VILL: variants seen among roughly 807,000 people sequenced by gnomAD.
VILL encodes villin like, also known as villin-like protein.
Under a neutral mutation model 106.3 loss-of-function variants are expected in VILL, and 102 were observed. The observed-to-expected ratio is 0.96, with a 90% CI of 0.82 to 1.13. The LOEUF is 1.13. Among genes scored for constraint, VILL ranks in the 50% most tolerant of loss-of-function variants. The pLI is 0.00. For synonymous variants in VILL, 431 were observed against 440.3 expected (o/e 0.98, Z 0.27); for missense variants, 1,076 against 1,116.6 (o/e 0.96, Z 0.52).
At position 38,001,102 on chromosome 3, in the gene VILL, C is replaced by T. The variant is rs185252937; in HGVS notation, c.1183-354C>T. 392 of 504,504 alleles carry T rather than the reference C, an allele frequency of 7.8e-4. 3 individuals carry two copies. Among genetic ancestry groups the T allele is most frequent in the Non-Finnish European group, 2.5e-4 (65 of 262,344 alleles). The allele number at this position is 504,504 out of a possible 1,614,324, so 31.3% of individuals were successfully genotyped here. On this transcript the variant is annotated intron_variant, in intron 11 of 19. Coordinates refer to ENST00000383759, the MANE Select transcript of VILL (RefSeq NM_015873.4). ...TCAAGAGCTCCAAGGCTTCCCTTTC[C>T]GCCCGGCTTCTGTTGCCCTGGCCTG... is the stretch of plus-strand genomic sequence containing the variant.
intron 4 of VILL, 39 bp from the exon 5 acceptor site, chr3:37,995,699 TA>T (rs1699688698): frequency 6.6e-7 from 1 of 1,518,678 alleles, no homozygotes; most frequent in Admixed American, 1.7e-5. Flanking sequence ...TGTTCTTATA[TA>T]CACAGAATGT....
rs1284969682 is a variant in VILL, at chr3:37,997,560, G to A, written c.639G>A (p.Glu213=). The change falls in exon 7 of 20, where the codon GAG becomes GAA. Residue 213 remains glutamate (E), a synonymous_variant. Coordinates refer to ENST00000383759, the MANE Select transcript of VILL (RefSeq NM_015873.4). The surrounding 1 kb of genome is among the most constrained non-coding windows in gnomAD (Gnocchi z 4.7). ...CACAGATTGGTGTGGTGGATGATGA[G>A]GCCAAAGCCCCGGACCTCATGCAGA... ...GRAQIGVVDD[E]AKAPDLMQIM... 3 of 1,614,132 alleles carry A rather than the reference G, an allele frequency of 1.9e-6. No homozygotes were observed. Among genetic ancestry groups the A allele is most frequent in the Admixed American group, 1.7e-5 (1 of 60,030 alleles).
At position 37,994,182 on chromosome 3, in the gene VILL, G is replaced by A. The variant is rs539225417; in HGVS notation, c.136-79G>A. Reference sequence around the variant, plus strand: ...AGCCCCTGCCTAGCGTCTCCCCATGGCCCTTGGTACATCCTCCCCTTCTCC... The same window carrying A: ...AGCCCCTGCCTAGCGTCTCCCCATGACCCTTGGTACATCCTCCCCTTCTCC... On this transcript the variant is annotated intron_variant, in intron 3 of 19. Coordinates refer to ENST00000383759, the MANE Select transcript of VILL (RefSeq NM_015873.4). The A allele has an allele frequency of 3.9e-4, 588 of 1,517,130 alleles. 2 individuals are homozygous for A. The African/African-American group carries it at 5.4e-3, about 14-fold the overall frequency. 94.0% of individuals were successfully genotyped at this position (1,517,130 alleles called of 1,614,324 possible). A position where few individuals can be genotyped will look rare whatever the true frequency, so the allele number is the denominator to read the frequency against.
rs199614543 is a variant in VILL at position 37,994,480 on chromosome 3, C to A, written c.341+14C>A. The A allele has an allele frequency of 1.4e-4, 221 of 1,610,094 alleles. No individual in the cohort carries two copies. Among genetic ancestry groups the A allele is most frequent in the Non-Finnish European group, 1.8e-4 (214 of 1,179,064 alleles). On this transcript the variant is annotated intron_variant, in intron 4 of 19. Transcript: ENST00000383759. ...CCCGGGAATCATGTGAGTGCGGGGG[C>A]GACCGGGGCAGGAGGGAGCCGTGGA...
Position 37,999,049 on chromosome 3 carries a change from G to T in VILL, c.1080G>T (p.Arg360Ser). The T allele has an allele frequency of 6.4e-7, 1 of 1,551,606 alleles. No individual in the cohort carries two copies. The highest frequency in any genetic ancestry group is 8.7e-7 in the Non-Finnish European group (1 of 1,145,254). ...KRRRNQKLGGRDKSIHVKLDV... is the reference protein window; with the variant it reads ...KRRRNQKLGGSDKSIHVKLDV... ...GCAGGAACCAGAAGCTCGGCGGGAG[G>T]GGTGAGCGGGCGGGGCGGGGCTGAC... Residue 360 changes from arginine (R) to serine (S), a missense_variant and splice_region_variant, in exon 10 of 20, where the codon AGG becomes AGT. By Grantham distance (110) the Arg-to-Ser change is moderately radical. Coordinates refer to ENST00000383759, the MANE Select transcript of VILL (RefSeq NM_015873.4).
intron 12 of VILL, 40 bp from the exon 13 acceptor site, chr3:38,001,662 A>G: frequency 6.2e-7 from 1 of 1,613,488 alleles, no homozygotes; most frequent in Non-Finnish European, 8.5e-7. Flanking sequence ...GTGAAATGTG[A>G]GAGCTGGGCC....
Position 38,004,259 on chromosome 3 carries a change from C to T in VILL, c.1810C>T (p.Pro604Ser). Residue 604 changes from proline (P) to serine (S), a missense_variant, in exon 16 of 20, where the codon CCT becomes TCT. Physicochemically the swap from Pro to Ser is moderately conservative, Grantham distance 74. Transcript: ENST00000383759. ...RAPYPSNKRL[P>S]EEVPSFQPRL... Reference sequence around the variant, plus strand: ...CTTGCTGTCCGTGCTGGCCAGGCTCCCTGAGGAGGTCCCCAGCTTCCAGCC... The same window carrying T: ...CTTGCTGTCCGTGCTGGCCAGGCTCTCTGAGGAGGTCCCCAGCTTCCAGCC... 1 of 1,610,770 alleles carries T rather than the reference C, an allele frequency of 6.2e-7. No homozygotes were observed. Among genetic ancestry groups the T allele is most frequent in the Non-Finnish European group, 8.5e-7 (1 of 1,177,374 alleles).
chr3:38,005,965 C>A lies in VILL; in HGVS notation c.2124C>A (p.Tyr708Ter). 6.2e-7 allele frequency: 1 copy of A among 1,611,196 alleles called. No homozygotes were observed. Among genetic ancestry groups the A allele is most frequent in the Non-Finnish European group, 8.5e-7 (1 of 1,178,100 alleles). ...GATGGTTCTTCACTTGGGACCCCTA[C>A]AAGTGGACTGTGAGTGAGGCCTGAA... is the stretch of plus-strand genomic sequence containing the variant. ...FIGWFFTWDP[Y>*]KWTSHPSHKE... The change falls in exon 17 of 20, where the codon TAC becomes TAA. Residue 708 changes from tyrosine (Y) to a stop codon, truncating the protein, a stop_gained. Transcript: ENST00000383759. LOFTEE classifies it high-confidence loss of function.
rs1699723562 is a variant in VILL, at chr3:37,997,459, TG to T, written c.562-23del. On this transcript the variant is annotated intron_variant, in intron 6 of 19. Coordinates refer to ENST00000383759, the MANE Select transcript of VILL (RefSeq NM_015873.4). The surrounding 1 kb of genome is among the most constrained non-coding windows in gnomAD (Gnocchi z 4.7). ...GTGAGAGGGCACACTGGTGACACCC[TG>T]ACTCCCAGGTCCTCTCCCGCAGGGG... The T allele has an allele frequency of 6.2e-7, 1 of 1,611,212 alleles. No homozygotes were observed. Among genetic ancestry groups the T allele is most frequent in the Non-Finnish European group, 8.5e-7 (1 of 1,179,558 alleles).
upstream of VILL, among the ~76,000 whole-genome samples, chr3:37,990,201 C>T (rs1007553743): frequency 2.0e-5 from 3 of 152,302 alleles, no homozygotes; most frequent in East Asian, 1.9e-4. The surrounding 1 kb of genome is among the most constrained non-coding windows in gnomAD (Gnocchi z 5.1). Context: ...GAGGTGTCTT[C>T]GCTGCAAGAG....
At chr3:38,006,022 G>A (rs1344656223) in intron 17 of VILL, 48 bp downstream of exon 17, 2 of 1,592,606 alleles carry the variant, frequency 1.3e-6, no homozygotes, top group African/African-American at 1.3e-5. Flanking sequence ...TGTGGGGAGA[G>A]GAACCTGACC....
chr3:37,994,405 CACCGCGA>C lies in VILL; in HGVS notation c.281_287del (p.His94ArgfsTer25), dbSNP rs1559655448. ...CGAGCTGGGGGGCCAGACCGTGCTG[CACCGCGA>C]GGCGCAGGGCCACGAGTCCGACTGC... On this transcript the variant is annotated frameshift_variant, in exon 4 of 20. Transcript: ENST00000383759. LOFTEE classifies it high-confidence loss of function. 6.2e-7 allele frequency: 1 copy of C among 1,612,688 alleles called. No homozygotes were observed. Among genetic ancestry groups the C allele is most frequent in the Admixed American group, 1.7e-5 (1 of 59,968 alleles).
rs113731263 is a variant in VILL, at chr3:38,003,227, G to C, written c.1719G>C (p.Lys573Asn). 6.2e-7 allele frequency: 1 copy of C among 1,614,014 alleles called. No homozygotes were observed. The highest frequency in any genetic ancestry group is 1.3e-5 in the African/African-American group (1 of 75,038). Reference sequence around the variant, plus strand: ...TGGTGGTCACTGTCATTTCCAGGAAGAATGAGGAAACGGTGCTGGAGGGTC... The same window carrying C: ...TGGTGGTCACTGTCATTTCCAGGAACAATGAGGAAACGGTGCTGGAGGGTC... ...ARVVVTVISR[K>N]NEETVLEGQE... Residue 573 changes from lysine to asparagine, a missense_variant, in exon 15 of 20, where the codon AAG (lysine) becomes AAC (asparagine). Physicochemically the swap from Lys to Asn is moderately conservative, Grantham distance 94. Coordinates refer to ENST00000383759, the MANE Select transcript of VILL (RefSeq NM_015873.4).
rs564713708 is a variant in VILL at position 38,005,878 on chromosome 3, G to A, written c.2037G>A (p.Gly679=). 5.6e-6 allele frequency: 9 copies of A among 1,614,040 alleles called. No individual in the cohort carries two copies. The highest frequency in any genetic ancestry group is 3.3e-5 in the Admixed American group (2 of 60,010). The part of the protein sequence containing the change: ...GQEYLKTHPA[G]RSPATPIVLV... ...AGTACCTGAAGACTCACCCAGCAGG[G>A]AGGAGCCCGGCCACACCCATCGTGC... is the stretch of plus-strand genomic sequence containing the variant. Residue 679 remains glycine (G), a synonymous_variant, in exon 17 of 20, where the codon GGG becomes GGA. Coordinates refer to ENST00000383759, the MANE Select transcript of VILL (RefSeq NM_015873.4).
At chr3:38,001,118 C>A (rs1314881862) in intron 11 of VILL, 1 of 522,760 alleles carries the variant, frequency 1.9e-6, no homozygotes, top group East Asian at 4.2e-5. Flanking sequence ...GCTTCTGTTG[C>A]CCTGGCCTGA....
At position 38,004,392 on chromosome 3, in the gene VILL, G is replaced by A. The variant is rs988611717; in HGVS notation, c.1943G>A (p.Trp648Ter). ...TATGACATCATGTTACTGGACACCTGGCAGGAGGTAAGGTGGCCATCCCTG... is the reference window on the plus strand; with the variant it reads ...TATGACATCATGTTACTGGACACCTAGCAGGAGGTAAGGTGGCCATCCCTG... ...DKYDIMLLDT[W>*]QEIFLWLGEA... The change falls in exon 16 of 20, where the codon TGG becomes TAG. Residue 648 changes from tryptophan (W) to a stop codon, truncating the protein, a stop_gained. Transcript: ENST00000383759. LOFTEE classifies it high-confidence loss of function. 4.4e-6 allele frequency: 7 copies of A among 1,605,478 alleles called. No homozygotes were observed. Among genetic ancestry groups the A allele is most frequent in the African/African-American group, 2.7e-5 (2 of 74,814 alleles).
chr3:37,992,846 C>A (rs1699630028), intron 1 of VILL, among the ~76,000 whole-genome samples: 2 of 152,312 alleles, frequency 1.3e-5, no homozygotes, highest in Admixed American at 6.5e-5. Context: ...GGAATGTGAG[C>A]CACTCTATGA....
rs1699712504 is a variant in VILL, at chr3:37,996,936, TGCA to T, written c.451-137_451-135del. The stretch of plus-strand genomic sequence containing the variant: ...CATAAGTCATGTACACCCTGTGGAA[TGCA>T]GCATTATCTACAGTCACACATGCCT... On this transcript the variant is annotated intron_variant, in intron 5 of 19. Coordinates refer to ENST00000383759, the MANE Select transcript of VILL (RefSeq NM_015873.4). 8 of 686,544 alleles carry T rather than the reference TGCA, an allele frequency of 1.2e-5. No individual in the cohort carries two copies. The South Asian group carries it at 1.3e-4, about 12-fold the overall frequency. 42.5% of individuals were successfully genotyped at this position (686,544 alleles called of 1,614,324 possible).
At position 37,998,398 on chromosome 3, in the gene VILL, G is replaced by T. The variant is rs1699747146; in HGVS notation, c.942+34G>T. The T allele has an allele frequency of 1.3e-6, 2 of 1,598,706 alleles. No homozygotes were observed. The highest frequency in any genetic ancestry group is 1.7e-5 in the Admixed American group (1 of 59,888). On this transcript the variant is annotated intron_variant, in intron 9 of 19. Coordinates refer to ENST00000383759, the MANE Select transcript of VILL (RefSeq NM_015873.4). This position sits in a 1 kb window ranked among gnomAD's most constrained non-coding sequence, Gnocchi z 4.1. ...TGGGGCTCTGTCTGAGAGGAACAGA[G>T]CACTGCCCTGGGGTCTGAGTGGGGA... is the stretch of plus-strand genomic sequence containing the variant.
Sources: gnomAD v4.1 joint callset for allele counts (sites outside exome capture counted in the v4.1 genomes callset) on GRCh38, gnomAD v4.1.1 for gene constraint, Gnocchi (gnomAD v3.1) non-coding constraint, MANE v1.5 for transcripts, NCBI Gene and HGNC (gene_info 2026-07-23, HGNC 2026-07-21) for gene names.